The following INTS6L variants were observed in gnomAD, a reference collection of about 807,000 sequenced individuals.
INTS6L encodes the protein integrator complex subunit 6-like.
In INTS6L, 18 loss-of-function variants were observed where a neutral mutation model predicts 64.7. The observed-to-expected ratio is 0.28, with a 90% confidence interval of 0.19 to 0.41. The LOEUF (loss-of-function observed/expected upper bound fraction) is 0.41, where lower values mean the gene tolerates loss of function less well. Ranked by LOEUF, INTS6L falls within the 10% of genes least tolerant of loss-of-function variation. The pLI is 1.00. For synonymous variants in INTS6L, 227 were observed against 235.9 expected (o/e 0.96, Z 0.34); for missense variants, 533 against 661.0 (o/e 0.81, Z 2.12).
intron 2 of INTS6L, among the ~76,000 whole-genome samples, chrX:135,531,944 A>G (rs1294294537): frequency 8.9e-6 from 1 of 111,738 alleles, no homozygotes; most frequent in African/African-American, 3.3e-5. Context: ...AAATCATTCC[A>G]TTAAGGGTGT....
At chrX:135,570,234 ACTCT>A (rs781846699) in intron 10 of INTS6L, 198 bp from the exon 11 acceptor site, 6 of 319,718 alleles carry the variant, frequency 1.9e-5, no homozygotes, top group Non-Finnish European at 3.2e-5. Context: ...TTCTTATCCC[ACTCT>A]CTTCTGATTT....
intron 2 of INTS6L, among the ~76,000 whole-genome samples, chrX:135,534,602 G>A (rs1185263131): frequency 5.5e-5 from 6 of 109,720 alleles, no homozygotes; most frequent in African/African-American, 1.7e-4. Flanking sequence ...TGCACATTTC[G>A]GCAAGTTCAA....
intron 15 of INTS6L, among the ~76,000 whole-genome samples, chrX:135,579,348 G>A (rs782395899): frequency 6.2e-5 from 7 of 112,252 alleles, no homozygotes; most frequent in Admixed American, 4.7e-4. Flanking sequence ...ACTAATGGCC[G>A]CCTCTATTTT....
At chrX:135,556,037 A>G (rs782375966) in intron 8 of INTS6L, 131 bp from the exon 9 acceptor site, 3 of 678,618 alleles carry the variant, frequency 4.4e-6, no homozygotes, top group Non-Finnish European at 6.2e-6. Context: ...ACCATAGGCT[A>G]AAAACACTAT....
intron 9 of INTS6L, among the ~76,000 whole-genome samples, chrX:135,564,144 A>C (rs1556523669): frequency 9.1e-6 from 1 of 110,298 alleles, no homozygotes; most frequent in Non-Finnish European, 1.9e-5. Flanking sequence ...GGTAATTTAC[A>C]TTGTTCTATT....
In INTS6L at chrX:135,561,683, A is replaced by AT. The variant is rs781859186; in HGVS notation, c.1192+5385dup. Among the ~76,000 whole-genome samples the AT allele has an allele frequency of 1.2e-4, 13 of 112,548 alleles. No individual in the cohort carries two copies. In the South Asian group the frequency reaches 4.8e-3, roughly 41 times the overall value. On this transcript the variant is annotated intron_variant, in intron 9 of 17. Transcript: ENST00000639893. ...AAACATTCCTGTTGGGAGTTTTCAA[A>AT]TTATTAATTCAATTTCTTTCATAGT...
At chrX:135,574,108 A>T (rs1463180063) in intron 13 of INTS6L, 46 bp downstream of exon 13, 1 of 1,145,411 alleles carries the variant, frequency 8.7e-7, no homozygotes, top group Non-Finnish European at 1.2e-6. Flanking sequence ...GGAAAATGCC[A>T]GGCATGACTT....
rs782459343 is a variant in INTS6L, at chrX:135,579,752, T to C, written c.2120-36T>C. 9 of 1,151,739 alleles carry C rather than the reference T, an allele frequency of 7.8e-6. No individual in the cohort carries two copies. In the Admixed American group the frequency reaches 2.1e-4, roughly 27 times the overall value. The allele number at this position is 1,151,739 out of a possible 1,213,427, so 94.9% of individuals were successfully genotyped here. ...TACCTGTGGGGTTGACATAATACCC[T>C]TACCTCACAGCTCAACCTCTTCATT... On this transcript the variant is annotated intron_variant, in intron 15 of 17. Transcript: ENST00000639893.
intron 2 of INTS6L, among the ~76,000 whole-genome samples, chrX:135,540,305 T>C (rs782367010): frequency 6.3e-5 from 7 of 111,887 alleles, no homozygotes; most frequent in Admixed American, 4.7e-4. Flanking sequence ...AAAGTGAAGA[T>C]AGTAACAGCA....
At chrX:135,577,456 T>C in intron 15 of INTS6L, 29 bp downstream of exon 15, 3 of 1,174,730 alleles carry the variant, frequency 2.6e-6, no homozygotes, top group Admixed American at 2.2e-5. Context: ...GATTTCCTTA[T>C]GGCTCCTAGA....
Position 135,546,430 on chromosome X carries a change from T to C in INTS6L, c.390T>C (p.Asp130=). Residue 130 remains aspartate, a synonymous_variant, in exon 4 of 18, where the codon GAT becomes GAC. Coordinates refer to ENST00000639893, the MANE Select transcript of INTS6L (RefSeq NM_001351601.3). ...CATCTATTTTAATTACCATCACAGA[T>C]GGAAACAAGTTAACAAGTACTGCTG... ...LEPSILITIT[D]GNKLTSTAGV... 8.5e-7 allele frequency: 1 copy of C among 1,177,116 alleles called. No homozygotes were observed. The highest frequency in any genetic ancestry group is 1.1e-6 in the Non-Finnish European group (1 of 883,330).
chrX:135,577,835 C>G (rs955475618), intron 15 of INTS6L, among the ~76,000 whole-genome samples: 1 of 111,837 alleles, frequency 8.9e-6, no homozygotes, highest in African/African-American at 3.3e-5. Flanking sequence ...AAGACTGGAT[C>G]TGCACTTGCT....
intron 2 of INTS6L, among the ~76,000 whole-genome samples, chrX:135,531,151 CAA>C (rs1296107110): frequency 8.9e-6 from 1 of 112,463 alleles, no homozygotes; most frequent in Non-Finnish European, 1.9e-5. Flanking sequence ...GCTACTTGGG[CAA>C]AGTTACTAAT....
chrX:135,558,569 A>G (rs979610210), intron 9 of INTS6L, among the ~76,000 whole-genome samples: 9 of 111,331 alleles, frequency 8.1e-5, no homozygotes, highest in Non-Finnish European at 1.5e-4. Flanking sequence ...TGAGGTATTA[A>G]AAGTAGTCAA....
chrX:135,546,786 G>T lies in INTS6L; in HGVS notation c.514G>T (p.Val172Leu). ...TTGGGATCAAAGGTTATTTGCCCTG[G>T]TGTTGCGTTTGCCTGGAGTGGCTTC... ...FRWDQRLFAL[V>L]LRLPGVASTE... The change falls in exon 5 of 18, where the codon GTG (valine) becomes TTG (leucine). Residue 172 changes from valine (V) to leucine (L), a missense_variant. Coordinates refer to ENST00000639893, the MANE Select transcript of INTS6L (RefSeq NM_001351601.3). 1 of 1,211,606 alleles carries T rather than the reference G, an allele frequency of 8.3e-7. No individual in the cohort carries two copies. The highest frequency in any genetic ancestry group is 1.1e-6 in the Non-Finnish European group (1 of 895,419).
At chrX:135,566,675 A>G (rs1001418473) in intron 9 of INTS6L, among the ~76,000 whole-genome samples, 8 of 112,208 alleles carry the variant, frequency 7.1e-5, no homozygotes, top group Non-Finnish European at 1.5e-4. Context: ...GAGCTACCAG[A>G]ATCATTTCAT....
At chrX:135,525,293 A>G (rs1181276599) in intron 2 of INTS6L, among the ~76,000 whole-genome samples, 1 of 112,466 alleles carries the variant, frequency 8.9e-6, no homozygotes, top group African/African-American at 3.2e-5. Flanking sequence ...GGTATTCAAA[A>G]TAGTTTTATG....
intron 2 of INTS6L, among the ~76,000 whole-genome samples, chrX:135,535,333 G>A (rs2086025731): frequency 8.9e-6 from 1 of 112,421 alleles, no homozygotes; most frequent in African/African-American, 3.2e-5. Flanking sequence ...AGCTGTCACA[G>A]TGTTCTGTTA....
chrX:135,556,243 A>G lies in INTS6L; in HGVS notation c.1135A>G (p.Thr379Ala). ...TTATTTAAAAGCCAGTACAACTTTAACTTGTGTAAACCTCTTTGTGATGCC... is the reference window on the plus strand; with the variant it reads ...TTATTTAAAAGCCAGTACAACTTTAGCTTGTGTAAACCTCTTTGTGATGCC... Reference protein sequence around the residue: ...FGYLKASTTLTCVNLFVMPYN... With the variant: ...FGYLKASTTLACVNLFVMPYN... The change falls in exon 9 of 18, where the codon ACT (threonine) becomes GCT (alanine). Residue 379 changes from threonine to alanine, a missense_variant. Transcript: ENST00000639893. 3.3e-6 allele frequency: 4 copies of G among 1,202,999 alleles called. No individual in the cohort carries two copies. Among genetic ancestry groups the G allele is most frequent in the Non-Finnish European group, 3.4e-6 (3 of 891,842 alleles).
Sources: gnomAD v4.1 joint callset for allele counts (sites outside exome capture counted in the v4.1 genomes callset) on GRCh38, gnomAD v4.1.1 for gene constraint, MANE v1.5 for transcripts, NCBI Gene and HGNC (gene_info 2026-07-23, HGNC 2026-07-21) for gene names.